Variants in ACBD6 observed in about 807,000 individuals in gnomAD.
ACBD6 encodes the protein acyl-CoA binding domain containing 6, also known as acyl-CoA-binding domain-containing protein 6.
In ACBD6, 28 loss-of-function variants were observed where a neutral mutation model predicts 37.2. The ratio of observed to expected loss-of-function variants is 0.75; its 90% CI spans 0.56 to 1.03. The LOEUF is 1.03. Among genes scored for constraint, ACBD6 ranks in the 50% least tolerant of loss-of-function variants. The pLI is 0.00. For missense variants in ACBD6, 340 were observed against 337.4 expected (o/e 1.01, Z -0.06); for synonymous variants, 113 against 126.8 (o/e 0.89, Z 0.73).
chr1:180,320,862 T>C (rs2764439), intron 6 of ACBD6, among the ~76,000 whole-genome samples: 6,887 of 152,220 alleles, frequency 0.045, 224 homozygotes, highest in Non-Finnish European at 0.059. Flanking sequence ...AAGAAATTTT[T>C]ACAGAGACCA....
chr1:180,452,700 C>CA (rs59219221), intron 3 of ACBD6, among the ~76,000 whole-genome samples: 152,202 of 152,206 alleles, frequency 1, 76,099 homozygotes, highest in Middle Eastern at 1. Flanking sequence ...AGAGAAGATT[C>CA]AATAGACACA....
chr1:180,352,330 A>T (rs1458357178), intron 6 of ACBD6, among the ~76,000 whole-genome samples: 1 of 152,068 alleles, frequency 6.6e-6, no homozygotes, highest in African/African-American at 2.4e-5. Context: ...GCTGGCCTCA[A>T]ACTCCTAGGC....
chr1:180,295,957 A>G (rs1226445108), intron 7 of ACBD6, among the ~76,000 whole-genome samples: 1 of 152,236 alleles, frequency 6.6e-6, no homozygotes, highest in Non-Finnish European at 1.5e-5. Flanking sequence ...AGAAATGATT[A>G]AGCTTAGTAA....
intron 3 of ACBD6, among the ~76,000 whole-genome samples, chr1:180,448,769 ACTGCTTCCTT>A (rs1483378069): frequency 1.3e-5 from 2 of 152,192 alleles, no homozygotes; most frequent in African/African-American, 4.8e-5. Context: ...TAGGTACTCT[ACTGCTTCCTT>A]CTGCTTCCTT....
In ACBD6 at chr1:180,386,695, G is replaced by C. The variant is rs142911208; in HGVS notation, c.663+10821C>G. 1.4e-4 allele frequency among the ~76,000 whole-genome samples: 21 copies of C among 151,820 alleles called. No homozygotes were observed. The East Asian group carries it at 3.9e-3, about 28-fold the overall frequency. On this transcript the variant is annotated intron_variant, in intron 6 of 7. Coordinates refer to ENST00000367595, the MANE Select transcript of ACBD6 (RefSeq NM_032360.4). ...CTGATCTTTTTATCATTTCCATCTA[G>C]TATTGAGTGCATCCAGTGAATTTTT...
At chr1:180,458,097 A>C (rs924395715) in intron 3 of ACBD6, among the ~76,000 whole-genome samples, 5 of 152,168 alleles carry the variant, frequency 3.3e-5, no homozygotes, top group Non-Finnish European at 4.4e-5. Context: ...TGCCCGGCCA[A>C]AAATTAACTT....
chr1:180,315,053 T>A (rs1650744163), intron 6 of ACBD6, among the ~76,000 whole-genome samples: 1 of 151,042 alleles, frequency 6.6e-6, no homozygotes, highest in South Asian at 2.1e-4. Flanking sequence ...TGACACTATG[T>A]CTCATTTATC....
intron 3 of ACBD6, among the ~76,000 whole-genome samples, chr1:180,490,292 C>G (rs1651442379): frequency 6.6e-6 from 1 of 152,144 alleles, no homozygotes; most frequent in African/African-American, 2.4e-5. Context: ...TATTTGTATG[C>G]ATATTTGGTG....
chr1:180,456,601 T>G (rs75442736), intron 3 of ACBD6, among the ~76,000 whole-genome samples: 2,992 of 152,282 alleles, frequency 0.02, 101 homozygotes, highest in African/African-American at 0.067. Context: ...GATGAGAGAC[T>G]GATACATCAT....
intron 6 of ACBD6, among the ~76,000 whole-genome samples, chr1:180,383,909 A>G (rs1350538323): frequency 2.0e-5 from 3 of 152,208 alleles, no homozygotes; most frequent in African/African-American, 7.2e-5. Context: ...TGCCAAGAAT[A>G]TACATTGAGG....
chr1:180,312,498 T>C (rs1650632826), intron 7 of ACBD6, among the ~76,000 whole-genome samples: 1 of 152,200 alleles, frequency 6.6e-6, no homozygotes, highest in African/African-American at 2.4e-5. Context: ...TTGAGAATGA[T>C]GATGATTTTG....
intron 3 of ACBD6, among the ~76,000 whole-genome samples, chr1:180,465,001 C>A (rs1028121922): frequency 7.9e-5 from 12 of 152,110 alleles, no homozygotes; most frequent in Admixed American, 2.0e-4. Context: ...GAAGCTGAAC[C>A]CCTTCCTTAC....
At chr1:180,350,902 G>A (rs1437860633) in intron 6 of ACBD6, among the ~76,000 whole-genome samples, 2 of 152,138 alleles carry the variant, frequency 1.3e-5, no homozygotes, top group East Asian at 1.9e-4. Flanking sequence ...GATAGTAAGC[G>A]ATGTCAGGGC....
intron 6 of ACBD6, among the ~76,000 whole-genome samples, chr1:180,367,707 C>A (rs1335916631): frequency 1.6e-4 from 24 of 152,178 alleles, no homozygotes; most frequent in Admixed American, 1.6e-3. Context: ...CACGTTCCTG[C>A]AAAATACATG....
At chr1:180,292,741 T>C (rs1445587733) in intron 7 of ACBD6, among the ~76,000 whole-genome samples, 1 of 152,216 alleles carries the variant, frequency 6.6e-6, no homozygotes, top group Non-Finnish European at 1.5e-5. Context: ...CTTAATGCAT[T>C]GGCTAGAACT....
intron 3 of ACBD6, among the ~76,000 whole-genome samples, chr1:180,450,004 C>A (rs569011886): frequency 1.4e-5 from 2 of 147,138 alleles, no homozygotes; most frequent in South Asian, 2.2e-4. Context: ...ACATTCAGGA[C>A]CCCCCCACCC....
At chr1:180,492,882 A>G (rs1362776288) in intron 2 of ACBD6, among the ~76,000 whole-genome samples, 2 of 152,142 alleles carry the variant, frequency 1.3e-5, no homozygotes, top group East Asian at 1.9e-4. Context: ...CTGTTATCTC[A>G]TCTATAAGCT....
chr1:180,413,622 T>A, intron 4 of ACBD6, 151 bp from the exon 5 acceptor site: 4 of 626,358 alleles, frequency 6.4e-6, no homozygotes, highest in Non-Finnish European at 1.1e-5. Flanking sequence ...TCAGTAGCTG[T>A]AATATATCCA....
chr1:180,350,708 A>G (rs1473818020), intron 6 of ACBD6, among the ~76,000 whole-genome samples: 11 of 152,170 alleles, frequency 7.2e-5, no homozygotes, highest in Admixed American at 2.6e-4. Context: ...TAGCCTTTAC[A>G]GTACAAGATA....
Sources: gnomAD v4.1 joint callset for allele counts (sites outside exome capture counted in the v4.1 genomes callset) on GRCh38, gnomAD v4.1.1 for gene constraint, MANE v1.5 for transcripts, NCBI Gene and HGNC (gene_info 2026-07-23, HGNC 2026-07-21) for gene names.